Variants in GCAT observed in about 807,000 individuals in gnomAD.
GCAT encodes the protein glycine C-acetyltransferase, also known as 2-amino-3-ketobutyrate coenzyme A ligase, mitochondrial.
Under a neutral mutation model 39.7 loss-of-function variants are expected in GCAT, and 26 were observed. The observed-to-expected ratio is 0.65, with a 90% CI of 0.48 to 0.91. The LOEUF is 0.91. Ranked by LOEUF, GCAT falls within the 40% of genes least tolerant of loss-of-function variation. GCAT has a pLI of 0.00. For missense variants in GCAT, 550 were observed against 576.2 expected (o/e 0.95, Z 0.47); for synonymous variants, 218 against 237.2 (o/e 0.92, Z 0.74).
chr22:37,813,801 TGTCGCCAAGGCTGGA>T (rs1328803499), intron 4 of GCAT, among the ~76,000 whole-genome samples, 192 bp downstream of exon 4: 1 of 151,978 alleles, frequency 6.6e-6, no homozygotes, highest in African/African-American at 2.4e-5. Flanking sequence ...AGTTTCACTC[TGTCGCCAAGGCTGGA>T]GTATAGTGGT....
Position 37,815,498 on chromosome 22 carries a change from C to CA in GCAT, c.813dup (p.Gly272ArgfsTer46). 4.4e-6 allele frequency: 7 copies of CA among 1,603,698 alleles called. No homozygotes were observed. Among genetic ancestry groups the CA allele is most frequent in the Non-Finnish European group, 6.0e-6 (7 of 1,174,814 alleles). ...CTGGGGAAGGCCCTGGGTGGAGCAT[C>CA]AGGTACCTGCAAGGTTGTGTCCCTG... On this transcript the variant is annotated frameshift_variant and splice_region_variant, in exon 6 of 9. Coordinates refer to ENST00000248924, the MANE Select transcript of GCAT (RefSeq NM_014291.4). LOFTEE classifies it high-confidence loss of function.
intron 1 of GCAT, among the ~76,000 whole-genome samples, chr22:37,808,449 A>G (rs1921216419): frequency 6.6e-6 from 1 of 152,230 alleles, no homozygotes; most frequent in Non-Finnish European, 1.5e-5. Flanking sequence ...TTCTAGACGC[A>G]GGAATGACTA....
chr22:37,816,272 G>A lies in GCAT; in HGVS notation c.1059G>A (p.Leu353=), dbSNP rs761645124. ...GTCACCCCATCTGCCCTGTGATGCT[G>A]GGTGATGCCCGGCTGGCCTCTCGCA... ...GASHPICPVM[L]GDARLASRMA... is the part of the protein sequence containing the mutation. Residue 353 remains leucine (L), a synonymous_variant, in exon 8 of 9, where the codon CTG becomes CTA. Coordinates refer to ENST00000248924, the MANE Select transcript of GCAT (RefSeq NM_014291.4). 9 of 1,613,156 alleles carry A rather than the reference G, an allele frequency of 5.6e-6. No individual in the cohort carries two copies. Among genetic ancestry groups the A allele is most frequent in the Admixed American group, 1.7e-5 (1 of 60,000 alleles).
rs111585083 is a variant in GCAT, at chr22:37,815,110, C to G, written c.577-16C>G. 1,361 of 1,612,784 alleles carry G rather than the reference C, an allele frequency of 8.4e-4. 14 individuals carry two copies. In the African/African-American group the frequency reaches 0.015, roughly 18 times the overall value. On this transcript the variant is annotated splice_polypyrimidine_tract_variant and intron_variant, in intron 4 of 8. Transcript: ENST00000248924. ...AACTTGACACCACCCACCATCTGCT[C>G]ATGTCTTTCCTGCAGAAGCATCGGC...
intron 7 of GCAT, 121 bp downstream of exon 7, chr22:37,815,955 C>A: frequency 8.6e-7 from 1 of 1,159,828 alleles, no homozygotes; most frequent in Non-Finnish European, 1.2e-6. Context: ...CTGTTCCCCT[C>A]CCTTCTCTCT....
chr22:37,814,417 C>T (rs5750499), intron 4 of GCAT, among the ~76,000 whole-genome samples: 127,090 of 152,144 alleles, frequency 0.84, 53,460 homozygotes, highest in East Asian at 0.99. Flanking sequence ...GCACACACCA[C>T]CGTGCTCAGC....
intron 2 of GCAT, 57 bp from the exon 3 acceptor site, chr22:37,812,830 G>C (rs919956810): frequency 1.6e-6 from 2 of 1,221,648 alleles, no homozygotes; most frequent in African/African-American, 1.5e-5. Context: ...CTGTCCCCTC[G>C]AACTTGTCCC....
chr22:37,810,017 T>C lies in GCAT; in HGVS notation c.197-10T>C, dbSNP rs1202749484. On this transcript the variant is annotated splice_polypyrimidine_tract_variant and intron_variant, in intron 1 of 8. Coordinates refer to ENST00000248924, the MANE Select transcript of GCAT (RefSeq NM_014291.4). The stretch of plus-strand genomic sequence containing the variant: ...GAGCTGCTGTATCCATCTCCTCTCC[T>C]TCACCTCAGGAATCCTTAACTTCTG... 5.0e-6 allele frequency: 8 copies of C among 1,613,804 alleles called. No homozygotes were observed. Among genetic ancestry groups the C allele is most frequent in the Admixed American group, 1.7e-5 (1 of 59,996 alleles).
At chr22:37,816,056 C>T (rs9610853) in intron 7 of GCAT, 144 bp from the exon 8 acceptor site, 7 of 1,072,510 alleles carry the variant, frequency 6.5e-6, no homozygotes, top group Non-Finnish European at 9.3e-6. Flanking sequence ...CCCTGCCTGG[C>T]TCCCCTCTGC....
chr22:37,813,308 C>T (rs1161218273), intron 3 of GCAT, 155 bp from the exon 4 acceptor site: 5 of 828,702 alleles, frequency 6.0e-6, no homozygotes, highest in Non-Finnish European at 1.0e-5. Context: ...GGCACTGAGA[C>T]ACGGGGGCCC....
chr22:37,813,441 TACGCTC>T lies in GCAT; in HGVS notation c.430-19_430-14del, dbSNP rs775538334. 6.3e-7 allele frequency: 1 copy of T among 1,576,774 alleles called. No individual in the cohort carries two copies. Among genetic ancestry groups the T allele is most frequent in the Non-Finnish European group, 8.6e-7 (1 of 1,160,698 alleles). On this transcript the variant is annotated splice_polypyrimidine_tract_variant and intron_variant, in intron 3 of 8. Coordinates refer to ENST00000248924, the MANE Select transcript of GCAT (RefSeq NM_014291.4). The stretch of plus-strand genomic sequence containing the variant: ...GCCCAGGGTGGTTAAATGATGGCTC[TACGCTC>T]ACTGCCTCCCTCCAGGCCCTGCTGA...
rs1041885676 is a variant in GCAT at position 37,808,149 on chromosome 22, A to G, written c.182A>G (p.Asp61Gly). The G allele has an allele frequency of 2.6e-6, 4 of 1,513,060 alleles. No individual in the cohort carries two copies. The African/African-American group carries it at 5.8e-5, about 22-fold the overall frequency. The allele number at this position is 1,513,060 out of a possible 1,614,324, so 93.7% of individuals were successfully genotyped here. A position where few individuals can be genotyped will look rare whatever the true frequency, so the allele number is the denominator to read the frequency against. Residue 61 changes from aspartate to glycine, a missense_variant, in exon 1 of 9, where the codon GAC becomes GGC. Physicochemically the swap from Asp to Gly is moderately conservative, Grantham distance 94. Around this residue, in one of 3 missense-constraint regions of GCAT, gnomAD observed 154 missense variants for 141.9 expected, o/e 1.08. Transcript: ENST00000248924. ...CGTCAGGGGCCGCACATCCGCGTGG[A>G]CGGCGTCTCCGGAGGTAACGCTCCG... The part of the protein sequence containing the change: ...TSRQGPHIRV[D>G]GVSGGILNFC...
chr22:37,815,812 T>C lies in GCAT; in HGVS notation c.964T>C (p.Ser322Pro). ...GATGGGGAGTAACACCATTGTCCAGTCTATGGCTGCCAAGACCCAGAGGTG... is the reference window on the plus strand; with the variant it reads ...GATGGGGAGTAACACCATTGTCCAGCCTATGGCTGCCAAGACCCAGAGGTG... ...LLMGSNTIVQSMAAKTQRFRS... is the reference protein window; with the variant it reads ...LLMGSNTIVQPMAAKTQRFRS... Residue 322 changes from serine (S) to proline (P), a missense_variant, in exon 7 of 9, where the codon TCT becomes CCT. Physicochemically the swap from Ser to Pro is moderately conservative, Grantham distance 74 (BLOSUM62 -1). Transcript: ENST00000248924. 6.2e-7 allele frequency: 1 copy of C among 1,613,982 alleles called. No individual in the cohort carries two copies. Among genetic ancestry groups the C allele is most frequent in the Non-Finnish European group, 8.5e-7 (1 of 1,179,970 alleles).
rs553214028 is a variant in GCAT at position 37,816,084 on chromosome 22, T to G, written c.987-116T>G. The G allele has an allele frequency of 2.3e-6, 3 of 1,299,536 alleles. No individual in the cohort carries two copies. In the South Asian group the frequency reaches 4.3e-5, roughly 19 times the overall value. 80.5% of individuals were successfully genotyped at this position (1,299,536 alleles called of 1,614,324 possible). A position where few individuals can be genotyped will look rare whatever the true frequency, so the allele number is the denominator to read the frequency against. On this transcript the variant is annotated intron_variant, in intron 7 of 8. Coordinates refer to ENST00000248924, the MANE Select transcript of GCAT (RefSeq NM_014291.4). Reference sequence around the variant, plus strand: ...CCCTCTGCCTCTTAGAGCTTGTAACTGTCTTTGTTGATCCTTCTTGCAGAC... The same window carrying G: ...CCCTCTGCCTCTTAGAGCTTGTAACGGTCTTTGTTGATCCTTCTTGCAGAC...
chr22:37,817,032 T>C (rs562956359), downstream of GCAT: 4 of 267,708 alleles, frequency 1.5e-5, no homozygotes, highest in East Asian at 7.2e-5. Context: ...TAGATTAAGA[T>C]GGGACCCAGT....
Position 37,815,750 on chromosome 22 carries a change from C to T in GCAT, c.902C>T (p.Ala301Val). The change falls in exon 7 of 9, where the codon GCT becomes GTT. Residue 301 changes from alanine to valine, a missense_variant. Physicochemically the swap from Ala to Val is moderately conservative, Grantham distance 64. Transcript: ENST00000248924. ...PYLFSNSLPP[A>V]VVGCASKALD... ...CTCTTCTCCAACAGTCTGCCACCTG[C>T]TGTCGTTGGCTGCGCCTCCAAGGCC... 6.2e-7 allele frequency: 1 copy of T among 1,613,706 alleles called. No individual in the cohort carries two copies. The highest frequency in any genetic ancestry group is 8.5e-7 in the Non-Finnish European group (1 of 1,179,760).
chr22:37,816,664 C>T lies in GCAT; in HGVS notation c.1206C>T (p.Asp402=), dbSNP rs1294877534. The change falls in exon 9 of 9, where the codon GAC becomes GAT. Residue 402 remains aspartate (D), a synonymous_variant. Transcript: ENST00000248924. The part of the protein sequence containing the change: ...ISAVHSEEDI[D]RCVEAFVEVG... ...CAGTGCATAGCGAGGAAGACATTGA[C>T]CGCTGCGTGGAGGCCTTCGTGGAAG... is the stretch of plus-strand genomic sequence containing the variant. 1 of 1,614,114 alleles carries T rather than the reference C, an allele frequency of 6.2e-7. No individual in the cohort carries two copies. The highest frequency in any genetic ancestry group is 1.1e-5 in the South Asian group (1 of 91,088).
At position 37,816,247 on chromosome 22, in the gene GCAT, G is replaced by A. The variant is rs139037895; in HGVS notation, c.1034G>A (p.Ser345Asn). 7,189 of 1,613,522 alleles carry A rather than the reference G, an allele frequency of 4.5e-3. 27 individuals are homozygous for A. Among genetic ancestry groups the A allele is most frequent in the Non-Finnish European group, 5.6e-3 (6,591 of 1,180,010 alleles). ...GCTGGCTTCACTATCTCGGGAGCCA[G>A]TCACCCCATCTGCCCTGTGATGCTG... ...EAAGFTISGASHPICPVMLGD... is the reference protein window; with the variant it reads ...EAAGFTISGANHPICPVMLGD... Residue 345 changes from serine to asparagine, a missense_variant, in exon 8 of 9, where the codon AGT (serine) becomes AAT (asparagine). Physicochemically the swap from Ser to Asn is conservative, Grantham distance 46 (BLOSUM62 1). Coordinates refer to ENST00000248924, the MANE Select transcript of GCAT (RefSeq NM_014291.4).
In GCAT at chr22:37,810,128, A is replaced by G. The variant is rs1194602992; in HGVS notation, c.298A>G (p.Ser100Gly). 6.2e-7 allele frequency: 1 copy of G among 1,614,010 alleles called. No individual in the cohort carries two copies. The highest frequency in any genetic ancestry group is 8.5e-7 in the Non-Finnish European group (1 of 1,179,838). Residue 100 changes from serine to glycine, a missense_variant, in exon 2 of 9, where the codon AGC becomes GGC. This residue lies in a region of GCAT where 154 missense variants were observed against 141.9 expected (regional missense o/e 1.08). Transcript: ENST00000248924. ...TCTGGAGGAGTTTGGAGCTGGCCTC[A>G]GCTCTGTCCGCTTTATCTGTGGAAC... ...QALEEFGAGL[S>G]SVRFICGTQS...
Sources: allele counts gnomAD v4.1 joint callset (sites outside exome capture counted in the v4.1 genomes callset), GRCh38; gene constraint gnomAD v4.1.1; regional missense constraint gnomAD v4.1.1; transcripts MANE v1.5; gene names NCBI Gene and HGNC (gene_info 2026-07-23, HGNC 2026-07-21).